The following COL6A3 variants were observed in gnomAD, a reference collection of about 807,000 sequenced individuals.
The protein encoded by COL6A3 is collagen type VI alpha 3 chain, also known as collagen alpha-3(VI) chain.
A neutral mutation model predicts 274.1 loss-of-function variants in COL6A3; 137 were observed. The ratio of observed to expected loss-of-function variants is 0.50; its 90% confidence interval spans 0.44 to 0.58. The LOEUF (loss-of-function observed/expected upper bound fraction) is 0.58, where lower values mean the gene tolerates loss of function less well. Ranked by LOEUF, COL6A3 falls within the 20% of genes least tolerant of loss-of-function variation. The pLI is 0.00. For missense variants in COL6A3, 3,950 were observed against 4,124.9 expected, an observed-to-expected ratio of 0.96 and a Z score of 1.16; for synonymous variants, 1,650 against 1,650.6, an observed-to-expected ratio of 1.00 and a Z score of 0.01.
chr2:237,337,127 A>G (rs1436599590), intron 39 of COL6A3, among the ~76,000 whole-genome samples: 1 of 152,172 alleles, frequency 6.6e-6, no homozygotes, highest in Non-Finnish European at 1.5e-5. Flanking sequence ...CAGACATAAC[A>G]ACAAGGACCC....
Position 237,372,300 on chromosome 2 carries a change from A to G in COL6A3, c.3717T>C (p.Asp1239=), listed in dbSNP as rs1559246521. 1.2e-6 allele frequency: 2 copies of G among 1,611,062 alleles called. No homozygotes were observed. Among genetic ancestry groups the G allele is most frequent in the Non-Finnish European group, 1.7e-6 (2 of 1,180,018 alleles). ...GGKRDVVFLI[D]GSQSAGPEFQ... ...ACTCAGGCCCGGCACTTTGGGACCC[A>G]TCGATGAGAAAGACCACGTCCCTCT... is the stretch of plus-strand genomic sequence containing the variant. Residue 1239 remains aspartate, a synonymous_variant, in exon 9 of 44, where the codon GAT becomes GAC. Coordinates refer to ENST00000295550, the MANE Select transcript of COL6A3 (RefSeq NM_004369.4).
chr2:237,377,197 T>C lies in COL6A3; in HGVS notation c.2645A>G (p.Asp882Gly). 6.2e-7 allele frequency: 1 copy of C among 1,614,082 alleles called. No homozygotes were observed. Among genetic ancestry groups the C allele is most frequent in the Non-Finnish European group, 8.5e-7 (1 of 1,180,026 alleles). ...GTRIAVAQYS[D>G]DVKVESRFDE... is the part of the protein sequence containing the mutation. ...AAAACGGGACTCCACCTTGACATCA[T>C]CGCTGTACTGAGCCACCGCAATTCG... The change falls in exon 7 of 44, where the codon GAT (aspartate) becomes GGT (glycine). Residue 882 changes from aspartate (D) to glycine (G), a missense_variant. This residue lies in a region of COL6A3 where 1,934 missense variants were observed against 1,984.3 expected (regional missense o/e 0.97). Coordinates refer to ENST00000295550, the MANE Select transcript of COL6A3 (RefSeq NM_004369.4).
Position 237,371,904 on chromosome 2 carries a change from C to G in COL6A3, c.4113G>C (p.Arg1371Ser), listed in dbSNP as rs1461981213. 1 of 1,613,942 alleles carries G rather than the reference C, an allele frequency of 6.2e-7. No individual in the cohort carries two copies. Among genetic ancestry groups the G allele is most frequent in the South Asian group, 1.1e-5 (1 of 91,052 alleles). The stretch of plus-strand genomic sequence containing the variant: ...TCACCAGCTCCTCCTGGTCTGCGTT[C>G]CTGGCGATCGTGAAAGGGGCCACGC... ...QFGVAPFTIA[R>S]NADQEELVKI... is the part of the protein sequence containing the mutation. Residue 1371 changes from arginine to serine, a missense_variant, in exon 9 of 44, where the codon AGG becomes AGC. Transcript: ENST00000295550. The surrounding 1 kb of genome is among the most constrained non-coding windows in gnomAD (Gnocchi z 4.3).
chr2:237,395,288 G>C, intron 2 of COL6A3, 84 bp from the exon 3 acceptor site: 1 of 1,434,430 alleles, frequency 7.0e-7, no homozygotes, highest in Non-Finnish European at 9.7e-7. Context: ...AAACAAATTT[G>C]GTTTACACTA....
At chr2:237,402,992 A>G (rs1240767669) in intron 1 of COL6A3, among the ~76,000 whole-genome samples, 2 of 152,188 alleles carry the variant, frequency 1.3e-5, no homozygotes, top group Non-Finnish European at 2.9e-5. Flanking sequence ...AGCAGAGGAG[A>G]GTCTGTCCGG....
intron 24 of COL6A3, among the ~76,000 whole-genome samples, chr2:237,353,848 A>G (rs749343775): frequency 1.5e-4 from 23 of 152,100 alleles, no homozygotes; most frequent in Admixed American, 3.9e-4. Flanking sequence ...CTGTTTAAGG[A>G]GACGGCTGAC....
intron 1 of COL6A3, among the ~76,000 whole-genome samples, chr2:237,409,533 T>TTTG (rs1559296471): frequency 1.4e-4 from 21 of 152,018 alleles, no homozygotes; most frequent in African/African-American, 4.6e-4. Context: ...TTTTTGTTTT[T>TTTG]TTTGTTTGTT....
At chr2:237,380,870 C>T in intron 5 of COL6A3, 45 bp downstream of exon 5, 1 of 1,576,640 alleles carries the variant, frequency 6.3e-7, no homozygotes, top group Non-Finnish European at 8.7e-7. Context: ...AAAGGCCCTG[C>T]CTGGAGACCA....
At position 237,352,571 on chromosome 2, in the gene COL6A3, G is replaced by A. The variant is rs1396546932; in HGVS notation, c.6704C>T (p.Pro2235Leu). 4 of 1,613,540 alleles carry A rather than the reference G, an allele frequency of 2.5e-6. No individual in the cohort carries two copies. Among genetic ancestry groups the A allele is most frequent in the Non-Finnish European group, 3.4e-6 (4 of 1,179,860 alleles). The part of the protein sequence containing the change: ...GTRGAQGPAG[P>L]AGPPGLIGEQ... The stretch of plus-strand genomic sequence containing the variant: ...TCCTATCAGCCCTGGAGGACCAGCA[G>A]GACCAGCTGGGCCCTGAGGAAGGAA... The change falls in exon 26 of 44, where the codon CCT becomes CTT. Residue 2235 changes from proline (P) to leucine (L), a missense_variant. Coordinates refer to ENST00000295550, the MANE Select transcript of COL6A3 (RefSeq NM_004369.4).
rs774808500 is a variant in COL6A3 at position 237,366,974 on chromosome 2, C to T, written c.5213G>A (p.Arg1738His). The T allele has an allele frequency of 7.4e-6, 12 of 1,614,140 alleles. No individual in the cohort carries two copies. Among genetic ancestry groups the T allele is most frequent in the African/African-American group, 2.7e-5 (2 of 74,956 alleles). Residue 1738 changes from arginine (R) to histidine (H), a missense_variant, in exon 11 of 44, where the codon CGC (arginine) becomes CAC (histidine). By Grantham distance (29) the Arg-to-His change is conservative. Coordinates refer to ENST00000295550, the MANE Select transcript of COL6A3 (RefSeq NM_004369.4). The part of the protein sequence containing the change: ...VNHFVPEAGS[R>H]LDQRVPQIAF... ...AATCTGAGGGACCCGCTGGTCCAGG[C>T]GGCTGCCTGCCTCAGGCACAAAGTG... is the stretch of plus-strand genomic sequence containing the variant.
intron 43 of COL6A3, among the ~76,000 whole-genome samples, chr2:237,325,188 A>G (rs1225488395): frequency 1.3e-5 from 2 of 152,212 alleles, no homozygotes; most frequent in African/African-American, 4.8e-5. Flanking sequence ...CCCAGTGACA[A>G]CATTGTTATT....
intron 21 of COL6A3, 107 bp from the exon 22 acceptor site, chr2:237,357,989 C>A: frequency 9.2e-7 from 1 of 1,082,722 alleles, no homozygotes; most frequent in Non-Finnish European, 1.4e-6. Context: ...TGCAAGGCTT[C>A]GAGGGACAAG....
Position 237,413,282 on chromosome 2 carries a change from C to T in COL6A3, c.-31+671G>A, listed in dbSNP as rs553675504. On this transcript the variant is annotated intron_variant, in intron 1 of 43. Coordinates refer to ENST00000295550, the MANE Select transcript of COL6A3 (RefSeq NM_004369.4). This position sits in a 1 kb window ranked among gnomAD's most constrained non-coding sequence, Gnocchi z 4.0. ...GCCCAATTCCTTCTTCTCCTCTGAC[C>T]CCTGCAACTCCTTTAAGCAACCCCA... Among the ~76,000 whole-genome samples the T allele has an allele frequency of 7.4e-4, 112 of 152,344 alleles. No homozygotes were observed. The highest frequency in any genetic ancestry group is 2.6e-4 in the Non-Finnish European group (18 of 68,032).
Position 237,367,086 on chromosome 2 carries a change from G to C in COL6A3, c.5101C>G (p.Gln1701Glu). 1 of 1,614,234 alleles carries C rather than the reference G, an allele frequency of 6.2e-7. No individual in the cohort carries two copies. The highest frequency in any genetic ancestry group is 8.5e-7 in the Non-Finnish European group (1 of 1,180,040). The change falls in exon 11 of 44, where the codon CAG becomes GAG. Residue 1701 changes from glutamine to glutamate, a missense_variant. This residue lies in a region of COL6A3 where 632 missense variants were observed against 623.4 expected (regional missense o/e 1.01). Transcript: ENST00000295550. ...FFLKDFSTKR[Q>E]IIDAINKVVY... ...ACTTTGTTGATGGCGTCAATAATCT[G>C]CCTCTTGGTAGAGAAGTCCTTCAGG...
chr2:237,373,146 T>C (rs544800550), intron 8 of COL6A3, among the ~76,000 whole-genome samples: 33 of 152,260 alleles, frequency 2.2e-4, no homozygotes, highest in Admixed American at 6.5e-4. Context: ...AGGGAGGCTG[T>C]TCTGGAGCGC....
chr2:237,357,546 C>T (rs1219063835), intron 22 of COL6A3, among the ~76,000 whole-genome samples, 155 bp from the exon 23 acceptor site: 1 of 152,226 alleles, frequency 6.6e-6, no homozygotes, highest in Non-Finnish European at 1.5e-5. Flanking sequence ...CACCGGACTT[C>T]AGTACACTCC....
intron 6 of COL6A3, among the ~76,000 whole-genome samples, chr2:237,377,598 G>A (rs1463123953): frequency 6.6e-6 from 1 of 152,216 alleles, no homozygotes; most frequent in Non-Finnish European, 1.5e-5. Context: ...AATAAAGCAA[G>A]CCAGGGAAAA....
chr2:237,407,900 C>G lies in COL6A3; in HGVS notation c.-31+6053G>C, dbSNP rs1304031250. On this transcript the variant is annotated intron_variant, in intron 1 of 43. Transcript: ENST00000295550. This position sits in a 1 kb window ranked among gnomAD's most constrained non-coding sequence, Gnocchi z 4.3. The stretch of plus-strand genomic sequence containing the variant: ...AGAAAATGCTTCAAGAAATATTGCA[C>G]AAATGCCCACTCCATTCCAACTCCT... 6.6e-6 allele frequency among the ~76,000 whole-genome samples: 1 copy of G among 152,186 alleles called. No homozygotes were observed. The highest frequency in any genetic ancestry group is 1.5e-5 in the Non-Finnish European group (1 of 68,026).
Position 237,381,365 on chromosome 2 carries a change from G to A in COL6A3, c.1447C>T (p.Gln483Ter). ...TCTGCATACTGGGCCACTGCCACCT[G>A]GATAAGATCCTGTCCGATTTCCAGC... ...QRLEIGQDLI[Q>*]VAVAQYADTV... Residue 483 changes from glutamine (Q) to a stop codon, truncating the protein, a stop_gained, in exon 5 of 44, where the codon CAG becomes TAG. Coordinates refer to ENST00000295550, the MANE Select transcript of COL6A3 (RefSeq NM_004369.4). LOFTEE classifies it high-confidence loss of function. The A allele has an allele frequency of 6.2e-7, 1 of 1,614,178 alleles. No individual in the cohort carries two copies.
Sources: allele counts gnomAD v4.1 joint callset (sites outside exome capture counted in the v4.1 genomes callset), GRCh38; gene constraint gnomAD v4.1.1; regional missense constraint gnomAD v4.1.1; non-coding constraint Gnocchi (gnomAD v3.1); transcripts MANE v1.5; gene names NCBI Gene and HGNC (gene_info 2026-07-23, HGNC 2026-07-21).